BAZ2B: variants seen among roughly 807,000 people sequenced by gnomAD.
BAZ2B encodes bromodomain adjacent to zinc finger domain protein 2B.
A neutral mutation model predicts 246.0 loss-of-function variants in BAZ2B; 91 were observed. That is an observed-to-expected ratio of 0.37 (90% CI 0.31 to 0.44). BAZ2B has a LOEUF of 0.44. Ranked by LOEUF, BAZ2B falls within the 20% of genes least tolerant of loss-of-function variation. The pLI is 1.00. For missense variants in BAZ2B, 2,332 were observed against 2,533.7 expected (o/e 0.92, Z 1.71); for synonymous variants, 855 against 860.0 (o/e 0.99, Z 0.10).
intron 16 of BAZ2B, among the ~76,000 whole-genome samples, chr2:159,401,936 C>T (rs1454346549): frequency 6.6e-6 from 1 of 152,096 alleles, no homozygotes; most frequent in Non-Finnish European, 1.5e-5. Context: ...ATGCCTGCTC[C>T]CATCTCCAGA....
At chr2:159,489,199 G>C (rs533312037) in intron 2 of BAZ2B, among the ~76,000 whole-genome samples, 2 of 151,890 alleles carry the variant, frequency 1.3e-5, no homozygotes, top group East Asian at 3.9e-4. Flanking sequence ...GATAGAAATG[G>C]AAAAACAGCA....
At chr2:159,565,165 C>T (rs1198953276) in intron 1 of BAZ2B, among the ~76,000 whole-genome samples, 3 of 152,130 alleles carry the variant, frequency 2.0e-5, no homozygotes, top group Admixed American at 6.5e-5. Flanking sequence ...GCCACCATGC[C>T]GGCCTCAAGA....
chr2:159,619,292 C>T (rs1696334814), upstream of BAZ2B, among the ~76,000 whole-genome samples: 2 of 151,708 alleles, frequency 1.3e-5, no homozygotes, highest in East Asian at 3.8e-4. Context: ...TAACAAAATA[C>T]ATCTTATCAT....
chr2:159,556,169 T>C (rs551151700), intron 1 of BAZ2B, among the ~76,000 whole-genome samples: 7 of 152,346 alleles, frequency 4.6e-5, no homozygotes, highest in African/African-American at 1.7e-4. Context: ...CAAGTTTTAT[T>C]TGTCTTCAAA....
At chr2:159,478,524 AAATTATTAAAAG>A (rs1559563930) in intron 3 of BAZ2B, 39 bp downstream of exon 3, 1 of 1,534,192 alleles carries the variant, frequency 6.5e-7, no homozygotes, top group South Asian at 1.3e-5. Context: ...AATATTATGC[AAATTATTAAAAG>A]AATGGCATTC....
intron 33 of BAZ2B, among the ~76,000 whole-genome samples, chr2:159,333,948 A>G (rs2148928280): frequency 6.6e-6 from 1 of 152,226 alleles, no homozygotes; most frequent in South Asian, 2.1e-4. Context: ...CTATTTTTTG[A>G]CCTTTCCTAA....
At chr2:159,711,371 G>T in the BAZ2B span, among the ~76,000 whole-genome samples, 2 of 151,976 alleles carry the variant, frequency 1.3e-5, no homozygotes, top group African/African-American at 4.8e-5. Context: ...AAAATTTATA[G>T]TATTTTAGAA....
At chr2:159,318,081 C>T (rs2062299371), downstream of BAZ2B, among the ~76,000 whole-genome samples, 1 of 152,026 alleles carries the variant, frequency 6.6e-6, no homozygotes, top group Non-Finnish European at 1.5e-5. Context: ...ATTTATGAGC[C>T]CCTGAGGCAC....
chr2:159,451,196 G>A (rs1301485723), intron 4 of BAZ2B, among the ~76,000 whole-genome samples: 1 of 151,740 alleles, frequency 6.6e-6, no homozygotes, highest in African/African-American at 2.4e-5. Flanking sequence ...CTACAAAAAA[G>A]TACAAATATT....
At chr2:159,471,454 G>A (rs1156441142) in intron 3 of BAZ2B, among the ~76,000 whole-genome samples, 1 of 152,064 alleles carries the variant, frequency 6.6e-6, no homozygotes, top group Non-Finnish European at 1.5e-5. Flanking sequence ...TTAAAAATTA[G>A]CTGTGCTTGC....
chr2:159,490,429 A>C (rs752249163), intron 2 of BAZ2B, among the ~76,000 whole-genome samples: 3 of 152,212 alleles, frequency 2.0e-5, no homozygotes, highest in Non-Finnish European at 2.9e-5. Context: ...TCTTAGTATT[A>C]TGGTTTCATA....
At chr2:159,587,755 C>T (rs181753883) in intron 1 of BAZ2B, among the ~76,000 whole-genome samples, 21 of 152,204 alleles carry the variant, frequency 1.4e-4, no homozygotes, top group Admixed American at 1.4e-3. Flanking sequence ...GACTGTTTTC[C>T]CCTACTAGTC....
intron 33 of BAZ2B, among the ~76,000 whole-genome samples, chr2:159,334,584 G>A (rs1363678903): frequency 6.6e-6 from 1 of 152,122 alleles, no homozygotes; most frequent in Non-Finnish European, 1.5e-5. Flanking sequence ...ATGAAACACT[G>A]CCTTCTTTTC....
chr2:159,386,319 A>C lies in BAZ2B; in HGVS notation c.3471+34T>G, dbSNP rs185443193. On this transcript the variant is annotated intron_variant, in intron 22 of 36. Coordinates refer to ENST00000392783, the MANE Select transcript of BAZ2B (RefSeq NM_013450.4). ...TATCTACCAATGCACTGACAGTACAAATTTAAAACATTTTATATTTTGTTT... is the reference window on the plus strand; with the variant it reads ...TATCTACCAATGCACTGACAGTACACATTTAAAACATTTTATATTTTGTTT... 778 of 1,563,590 alleles carry C rather than the reference A, an allele frequency of 5.0e-4. 1 individual carries two copies. Among genetic ancestry groups the C allele is most frequent in the South Asian group, 1.6e-3 (139 of 84,582 alleles).
chr2:159,538,054 T>C (rs987191068), intron 2 of BAZ2B, among the ~76,000 whole-genome samples: 1 of 152,166 alleles, frequency 6.6e-6, no homozygotes, highest in African/African-American at 2.4e-5. Flanking sequence ...TGCAGTGCAG[T>C]GGCCCGATCT....
rs1336747792 is a variant in BAZ2B at position 159,428,366 on chromosome 2, A to C, written c.2309T>G (p.Val770Gly). ...RNFGGRLQGE[V>G]AYYAPCGKKL... ...CTTTCCACATGGAGCATAATATGCT[A>C]CTTCTCCTTGAAGGCGCCCTCCAAA... Residue 770 changes from valine to glycine, a missense_variant, in exon 12 of 37, where the codon GTA becomes GGA. Coordinates refer to ENST00000392783, the MANE Select transcript of BAZ2B (RefSeq NM_013450.4). 1 of 1,613,256 alleles carries C rather than the reference A, an allele frequency of 6.2e-7. No homozygotes were observed. The highest frequency in any genetic ancestry group is 8.5e-7 in the Non-Finnish European group (1 of 1,179,636).
chr2:159,439,053 C>T lies in BAZ2B; in HGVS notation c.856G>A (p.Asp286Asn). The T allele has an allele frequency of 6.2e-7, 1 of 1,613,752 alleles. No homozygotes were observed. Among genetic ancestry groups the T allele is most frequent in the Middle Eastern group, 1.7e-4 (1 of 6,052 alleles). ...DQSIEESEDD[D>N]SDSESEAQHK... ...TGTGCTTCACTCTCTGAATCAGAAT[C>T]ATCATCTTCACTTTCTTCAATACTT... The change falls in exon 7 of 37, where the codon GAT becomes AAT. Residue 286 changes from aspartate (D) to asparagine (N), a missense_variant. Physicochemically the swap from Asp to Asn is conservative, Grantham distance 23 (BLOSUM62 1). Around this residue, in one of 9 missense-constraint regions of BAZ2B, gnomAD observed 161 missense variants for 225.8 expected, o/e 0.71. Coordinates refer to ENST00000392783, the MANE Select transcript of BAZ2B (RefSeq NM_013450.4).
intron 1 of BAZ2B, among the ~76,000 whole-genome samples, chr2:159,599,425 C>A (rs1691544663): frequency 1.3e-5 from 2 of 150,818 alleles, no homozygotes; most frequent in African/African-American, 4.9e-5. Flanking sequence ...TTGAGACCAG[C>A]CTGACCAACA....
intron 2 of BAZ2B, among the ~76,000 whole-genome samples, chr2:159,537,811 T>A (rs2086198701): frequency 6.6e-6 from 1 of 152,178 alleles, no homozygotes; most frequent in African/African-American, 2.4e-5. Flanking sequence ...TTTGAAAATT[T>A]TTTTTTCCTA....
Sources: gnomAD v4.1 joint callset for allele counts (sites outside exome capture counted in the v4.1 genomes callset) on GRCh38, gnomAD v4.1.1 for gene constraint, gnomAD v4.1.1 regional missense constraint, MANE v1.5 for transcripts, NCBI Gene and HGNC (gene_info 2026-07-23, HGNC 2026-07-21) for gene names.